PRKRIP1: variants seen among roughly 807,000 people sequenced by gnomAD.
The protein encoded by PRKRIP1 is PRKR-interacting protein 1.
Under a neutral mutation model 29.3 loss-of-function variants are expected in PRKRIP1, and 29 were observed. That is an observed-to-expected ratio of 0.99 (90% CI 0.74 to 1.35). The LOEUF is 1.35. PRKRIP1 is among the 40% of genes most tolerant of loss of function. The probability of loss-of-function intolerance (pLI) is 0.00; values close to 1 mark genes in which losing one functional copy is unlikely to be tolerated. For missense variants in PRKRIP1, 247 were observed against 236.8 expected (o/e 1.04, Z -0.28); for synonymous variants, 90 against 85.1 (o/e 1.06, Z -0.32).
intron 5 of PRKRIP1, among the ~76,000 whole-genome samples, chr7:102,424,346 G>A (rs1164655386): frequency 6.6e-6 from 1 of 152,272 alleles, no homozygotes; most frequent in Non-Finnish European, 1.5e-5. Context: ...GTCCTGGCAT[G>A]GCTGAGCCGG....
intron 5 of PRKRIP1, among the ~76,000 whole-genome samples, chr7:102,416,840 C>T (rs187436129): frequency 6.6e-6 from 1 of 152,084 alleles, no homozygotes; most frequent in East Asian, 1.9e-4. Flanking sequence ...CCTCCACACC[C>T]TGCTAATTTT....
At chr7:102,420,562 T>C (rs147834366) in intron 5 of PRKRIP1, among the ~76,000 whole-genome samples, 8 of 152,344 alleles carry the variant, frequency 5.3e-5, no homozygotes, top group African/African-American at 1.9e-4. Context: ...AGGAATGAAC[T>C]GGGGTAATTT....
chr7:102,403,920 TTTGGGAGGCTGAG>T (rs1361353143), intron 3 of PRKRIP1, among the ~76,000 whole-genome samples: 4 of 152,194 alleles, frequency 2.6e-5, no homozygotes, highest in African/African-American at 7.2e-5. Context: ...ATCTCAGCAC[TTTGGGAGGCTGAG>T]GTGGGAGGAT....
chr7:102,399,678 C>A (rs782178216), intron 3 of PRKRIP1, 30 bp downstream of exon 3: 4 of 1,544,742 alleles, frequency 2.6e-6, no homozygotes, highest in Non-Finnish European at 3.6e-6. Flanking sequence ...GGCTGAGCCC[C>A]CATGTTTGGG....
chr7:102,404,523 C>T (rs1386550771), intron 3 of PRKRIP1, 75 bp from the exon 4 acceptor site: 13 of 1,215,512 alleles, frequency 1.1e-5, no homozygotes, highest in Non-Finnish European at 1.5e-5. Flanking sequence ...TAGAACTCTC[C>T]TACTTTGCCT....
At chr7:102,422,994 C>T in intron 5 of PRKRIP1, 1 of 337,948 alleles carries the variant, frequency 3.0e-6, no homozygotes, top group South Asian at 2.2e-5. Context: ...GCCCATACTG[C>T]ATTTTCAAAG....
chr7:102,407,214 C>T (rs1283847635), intron 4 of PRKRIP1, among the ~76,000 whole-genome samples: 2 of 147,010 alleles, frequency 1.4e-5, no homozygotes, highest in Non-Finnish European at 3.0e-5. Context: ...GAGAATCCGT[C>T]TCAAAAAAAA....
Position 102,404,162 on chromosome 7 carries a change from CAAAACA to C in PRKRIP1, c.307-425_307-420del, listed in dbSNP as rs1467170300. Among the ~76,000 whole-genome samples, 8 of 152,188 alleles carry C rather than the reference CAAAACA, an allele frequency of 5.3e-5. No individual in the cohort carries two copies. In the South Asian group the frequency reaches 8.3e-4, roughly 16 times the overall value. ...TAGGCGACAGAGTAAGACCTTGTCT[CAAAACA>C]AAAACAAAAAAACTCAGCCATTTGG... On this transcript the variant is annotated intron_variant, in intron 3 of 5. Coordinates refer to ENST00000397912, the MANE Select transcript of PRKRIP1 (RefSeq NM_024653.4).
At chr7:102,406,990 T>C (rs968664196) in intron 4 of PRKRIP1, among the ~76,000 whole-genome samples, 2 of 151,742 alleles carry the variant, frequency 1.3e-5, no homozygotes, top group Non-Finnish European at 2.9e-5. Flanking sequence ...CCAAGGCAGG[T>C]GGATCACGAG....
chr7:102,412,233 G>A (rs1453519111), intron 5 of PRKRIP1, among the ~76,000 whole-genome samples: 2 of 152,180 alleles, frequency 1.3e-5, no homozygotes, highest in Non-Finnish European at 2.9e-5. Context: ...CAAATGGGAA[G>A]AATAGAGTGT....
chr7:102,419,848 TGTGTGTGTG>T (rs1563623534), intron 5 of PRKRIP1, among the ~76,000 whole-genome samples: 5 of 4,160 alleles, frequency 1.2e-3, no homozygotes, highest in Non-Finnish European at 9.1e-3. Flanking sequence ...TGTGTTTTTG[TGTGTGTGTG>T]TGTGTGTGTG....
At chr7:102,415,971 C>T (rs925452623) in intron 5 of PRKRIP1, among the ~76,000 whole-genome samples, 2 of 152,250 alleles carry the variant, frequency 1.3e-5, no homozygotes, top group Admixed American at 1.3e-4. Context: ...GCTTAGGCTG[C>T]CTGTACTCTG....
At chr7:102,404,728 T>G in intron 4 of PRKRIP1, 45 bp downstream of exon 4, 1 of 1,509,372 alleles carries the variant, frequency 6.6e-7, no homozygotes, top group Non-Finnish European at 9.2e-7. Flanking sequence ...GGGCCAGGGG[T>G]GGTGGCTGGG....
rs541814613 is a variant in PRKRIP1 at position 102,424,956 on chromosome 7, G to A, written c.458-58G>A. The A allele has an allele frequency of 1.6e-4, 253 of 1,549,720 alleles. 1 individual carries two copies. The highest frequency in any genetic ancestry group is 6.9e-4 in the Middle Eastern group (4 of 5,804). On this transcript the variant is annotated intron_variant, in intron 5 of 5. Coordinates refer to ENST00000397912, the MANE Select transcript of PRKRIP1 (RefSeq NM_024653.4). ...TTCCCATCAGCTCTCCTCTTTGAAA[G>A]CACCCTTGACCCTGAACGATTTTGC...
intron 5 of PRKRIP1, among the ~76,000 whole-genome samples, chr7:102,413,267 C>A (rs1411598879): frequency 1.3e-5 from 2 of 152,192 alleles, no homozygotes; most frequent in Non-Finnish European, 2.9e-5. Flanking sequence ...TTGTTCCTGT[C>A]TGAGAGCTCC....
At chr7:102,416,478 C>T (rs769114532) in intron 5 of PRKRIP1, among the ~76,000 whole-genome samples, 14 of 152,284 alleles carry the variant, frequency 9.2e-5, no homozygotes, top group African/African-American at 2.9e-4. Flanking sequence ...ACGCATTCTT[C>T]GGCTCCTGTT....
chr7:102,413,391 C>T (rs1796445388), intron 5 of PRKRIP1, among the ~76,000 whole-genome samples: 1 of 152,198 alleles, frequency 6.6e-6, no homozygotes, highest in Admixed American at 6.5e-5. Flanking sequence ...CTACCCACGT[C>T]CTTTGTGTCT....
intron 5 of PRKRIP1, among the ~76,000 whole-genome samples, chr7:102,423,796 C>A (rs1323188892): frequency 6.6e-6 from 1 of 152,036 alleles, no homozygotes; most frequent in Non-Finnish European, 1.5e-5. Context: ...CCTGCCTCAG[C>A]CTCATGAGTA....
rs782030269 is a variant in PRKRIP1, at chr7:102,396,409, G to T, written c.-3G>T. 4.5e-6 allele frequency: 7 copies of T among 1,561,088 alleles called. No homozygotes were observed. The highest frequency in any genetic ancestry group is 4.6e-5 in the East Asian group (2 of 43,062). ...CGCTCGCTTGTGAAACTGGAAGGCTGCCATGGCTAGCCCAGCCGCCTCCTC... is the reference window on the plus strand; with the variant it reads ...CGCTCGCTTGTGAAACTGGAAGGCTTCCATGGCTAGCCCAGCCGCCTCCTC... On this transcript the variant is annotated 5_prime_UTR_variant, in exon 1 of 6. Coordinates refer to ENST00000397912, the MANE Select transcript of PRKRIP1 (RefSeq NM_024653.4).
Sources: gnomAD v4.1 joint callset for allele counts (sites outside exome capture counted in the v4.1 genomes callset) on GRCh38, gnomAD v4.1.1 for gene constraint, MANE v1.5 for transcripts, NCBI Gene and HGNC (gene_info 2026-07-23, HGNC 2026-07-21) for gene names.